Variants in PITPNM2 observed in about 807,000 individuals in gnomAD.
PITPNM2 encodes phosphatidylinositol transfer protein membrane associated 2.
Under a neutral mutation model 132.2 loss-of-function variants are expected in PITPNM2, and 35 were observed. That is an observed-to-expected ratio of 0.26 (90% CI 0.20 to 0.35). PITPNM2 has a LOEUF of 0.35. PITPNM2 is among the 10% of genes least tolerant of loss of function. PITPNM2 has a pLI of 1.00. For synonymous variants in PITPNM2, 738 were observed against 799.2 expected, an observed-to-expected ratio of 0.92 and a Z score of 1.29; for missense variants, 1,332 against 1,912.0, an observed-to-expected ratio of 0.70 and a Z score of 5.66.
rs754122186 is a variant in PITPNM2, at chr12:123,140,515, A to C, written c.-200+10238T>G. Among the ~76,000 whole-genome samples the C allele has an allele frequency of 6.2e-4, 94 of 152,226 alleles. 1 individual carries two copies. Among genetic ancestry groups the C allele is most frequent in the South Asian group, 1.0e-3 (5 of 4,822 alleles). On this transcript the variant is annotated intron_variant, in intron 1 of 25. Coordinates refer to ENST00000320201, the MANE Select transcript of PITPNM2 (RefSeq NM_020845.3). ...AGCTGGCTCTGGCTGGAGGTGAGCG[A>C]GGCCCCTCCTCCAGGACAAGCCGCT...
chr12:122,995,305 G>A (rs924985741), intron 14 of PITPNM2, 84 bp downstream of exon 14: 81 of 1,499,904 alleles, frequency 5.4e-5, no homozygotes, highest in Middle Eastern at 4.8e-4. Flanking sequence ...CGGGTCTCCT[G>A]TTGGCCATCA....
chr12:123,100,379 A>G (rs1168884823), intron 2 of PITPNM2, among the ~76,000 whole-genome samples: 1 of 152,234 alleles, frequency 6.6e-6, no homozygotes, highest in African/African-American at 2.4e-5. Flanking sequence ...TAATCCCAGC[A>G]CTTTGGGAGG....
At chr12:123,053,562 CTTTTTTTTT>C (rs964541144) in intron 2 of PITPNM2, among the ~76,000 whole-genome samples, 6 of 119,870 alleles carry the variant, frequency 5.0e-5, no homozygotes, top group Admixed American at 8.5e-5. Context: ...ATGGTGACAT[CTTTTTTTTT>C]TTTTTTTTTT....
chr12:123,079,998 C>T (rs745620202), intron 2 of PITPNM2, among the ~76,000 whole-genome samples: 9 of 152,222 alleles, frequency 5.9e-5, no homozygotes, highest in Non-Finnish European at 5.9e-5. Context: ...CTATTCTGGA[C>T]ATTTCATATA....
chr12:123,070,703 C>A (rs770551151), intron 2 of PITPNM2, among the ~76,000 whole-genome samples: 1 of 152,222 alleles, frequency 6.6e-6, no homozygotes, highest in Non-Finnish European at 1.5e-5. Flanking sequence ...ACAGGCCAGG[C>A]CTCTTCCAAG....
At chr12:123,123,136 C>T (rs1481648323) in intron 1 of PITPNM2, among the ~76,000 whole-genome samples, 1 of 152,182 alleles carries the variant, frequency 6.6e-6, no homozygotes, top group Non-Finnish European at 1.5e-5. Flanking sequence ...TCTAAAACCC[C>T]ATCAACAGGG....
chr12:123,046,745 A>C (rs1394917768), intron 2 of PITPNM2, among the ~76,000 whole-genome samples: 1 of 151,818 alleles, frequency 6.6e-6, no homozygotes, highest in East Asian at 1.9e-4. Context: ...TTTGAGGTTC[A>C]TGTTGTAGCA....
At chr12:123,016,598 A>AAAAAC (rs142997143) in intron 3 of PITPNM2, among the ~76,000 whole-genome samples, 5 of 151,406 alleles carry the variant, frequency 3.3e-5, no homozygotes, top group Admixed American at 6.6e-5. Flanking sequence ...AACAAACAAA[A>AAAAAC]AAACAAAAAA....
At chr12:123,139,518 A>G (rs2137642627) in intron 1 of PITPNM2, among the ~76,000 whole-genome samples, 1 of 150,002 alleles carries the variant, frequency 6.7e-6, no homozygotes, top group Middle Eastern at 3.4e-3. Flanking sequence ...AAAAAAAACA[A>G]CAGACAACTG....
At chr12:123,035,947 C>G (rs959019912) in intron 2 of PITPNM2, among the ~76,000 whole-genome samples, 2 of 152,184 alleles carry the variant, frequency 1.3e-5, no homozygotes, top group African/African-American at 4.8e-5. Context: ...CAGCCTTGAT[C>G]TCCTGGGCTC....
At chr12:123,080,719 G>T (rs550322630) in intron 2 of PITPNM2, among the ~76,000 whole-genome samples, 2 of 152,286 alleles carry the variant, frequency 1.3e-5, no homozygotes, top group South Asian at 4.1e-4. Flanking sequence ...AATGAAACCC[G>T]GTGCCAGGAC....
chr12:123,114,371 G>A (rs1043016486), intron 1 of PITPNM2, among the ~76,000 whole-genome samples: 1 of 151,560 alleles, frequency 6.6e-6, no homozygotes, highest in Non-Finnish European at 1.5e-5. Context: ...CCTGCCCAAA[G>A]GCAAATTCCA....
intron 6 of PITPNM2, among the ~76,000 whole-genome samples, chr12:123,007,721 C>T (rs1051505213): frequency 2.0e-5 from 3 of 152,158 alleles, no homozygotes; most frequent in African/African-American, 7.2e-5. Context: ...GTCTGCTGGC[C>T]TCACAGGGCT....
chr12:123,044,707 T>C (rs1258524947), intron 2 of PITPNM2, among the ~76,000 whole-genome samples: 1 of 152,206 alleles, frequency 6.6e-6, no homozygotes, highest in Non-Finnish European at 1.5e-5. Flanking sequence ...GCAGTCCTAC[T>C]TCAGTGATTC....
At chr12:123,096,376 C>T (rs751731506) in intron 2 of PITPNM2, among the ~76,000 whole-genome samples, 3 of 152,220 alleles carry the variant, frequency 2.0e-5, no homozygotes, top group Non-Finnish European at 4.4e-5. Flanking sequence ...GCACAGCAAC[C>T]ATATTTTATT....
rs1484883443 is a variant in PITPNM2, at chr12:123,010,095, G to C, written c.416-18C>G. On this transcript the variant is annotated intron_variant, in intron 5 of 25. Coordinates refer to ENST00000320201, the MANE Select transcript of PITPNM2 (RefSeq NM_020845.3). The stretch of plus-strand genomic sequence containing the variant: ...GATGAAGTCTGTGGGTAAACCCTTA[G>C]AGTGGCCACTTCTGCCCTGACCTCA... 6.3e-7 allele frequency: 1 copy of C among 1,594,672 alleles called. No individual in the cohort carries two copies. Among genetic ancestry groups the C allele is most frequent in the South Asian group, 1.1e-5 (1 of 90,710 alleles).
chr12:122,995,100 G>C, intron 14 of PITPNM2, 121 bp from the exon 15 acceptor site: 1 of 1,158,098 alleles, frequency 8.6e-7, no homozygotes, highest in Non-Finnish European at 1.2e-6. Context: ...GGACAGCCCT[G>C]AGCTGGACCA....
At position 123,099,676 on chromosome 12, in the gene PITPNM2, C is replaced by T. The variant is rs970725587; in HGVS notation, c.-96+10709G>A. Among the ~76,000 whole-genome samples, 1 of 152,182 alleles carries T rather than the reference C, an allele frequency of 6.6e-6. No individual in the cohort carries two copies. The highest frequency in any genetic ancestry group is 2.4e-5 in the African/African-American group (1 of 41,436). ...CAAACAGCTCCTGGCTCCTGGATGC[C>T]TGGCTCCAGGTCCCACTGTGTGCCT... On this transcript the variant is annotated intron_variant, in intron 2 of 25. Coordinates refer to ENST00000320201, the MANE Select transcript of PITPNM2 (RefSeq NM_020845.3). The surrounding 1 kb of genome is among the most constrained non-coding windows in gnomAD (Gnocchi z 4.2).
intron 1 of PITPNM2, among the ~76,000 whole-genome samples, chr12:123,119,083 T>C (rs557014475): frequency 6.6e-6 from 1 of 152,234 alleles, no homozygotes; most frequent in East Asian, 1.9e-4. Flanking sequence ...TTGATGACAA[T>C]AGCCTAACTA....
Sources: gnomAD v4.1 joint callset for allele counts (sites outside exome capture counted in the v4.1 genomes callset) on GRCh38, gnomAD v4.1.1 for gene constraint, Gnocchi (gnomAD v3.1) non-coding constraint, MANE v1.5 for transcripts, NCBI Gene and HGNC (gene_info 2026-07-23, HGNC 2026-07-21) for gene names.